Variants in LUZP2 observed in about 807,000 individuals in gnomAD.
LUZP2 encodes leucine zipper protein 2.
A neutral mutation model predicts 51.6 loss-of-function variants in LUZP2; 52 were observed. The ratio of observed to expected loss-of-function variants is 1.01; its 90% CI spans 0.81 to 1.27. The LOEUF (loss-of-function observed/expected upper bound fraction) is 1.27, where lower values mean the gene tolerates loss of function less well. Ranked by LOEUF, LUZP2 falls within the 50% of genes most tolerant of loss-of-function variation. LUZP2 has a pLI of 0.00. For missense variants in LUZP2, 436 were observed against 395.4 expected (o/e 1.10, Z -0.87); for synonymous variants, 154 against 137.3 (o/e 1.12, Z -0.85).
intron 1 of LUZP2, among the ~76,000 whole-genome samples, chr11:24,518,112 A>G (rs1850536270): frequency 6.6e-6 from 1 of 152,148 alleles, no homozygotes; most frequent in African/African-American, 2.4e-5. Flanking sequence ...TTATTAATGA[A>G]TAAGATAACA....
intron 10 of LUZP2, among the ~76,000 whole-genome samples, chr11:25,062,110 G>T (rs1858856870): frequency 6.7e-6 from 1 of 150,338 alleles, no homozygotes; most frequent in Non-Finnish European, 1.5e-5. Context: ...CAGAGGGAAG[G>T]GAGAAGAAGA....
At chr11:24,913,683 G>A (rs893796202) in intron 6 of LUZP2, among the ~76,000 whole-genome samples, 2 of 151,800 alleles carry the variant, frequency 1.3e-5, no homozygotes, top group African/African-American at 4.8e-5. Flanking sequence ...GTGTGTGTGT[G>A]TGTGTGTGTG....
Position 24,977,474 on chromosome 11 carries a change from G to A in LUZP2, c.597+809G>A, listed in dbSNP as rs539702835. Among the ~76,000 whole-genome samples, 17 of 151,602 alleles carry A rather than the reference G, an allele frequency of 1.1e-4. 1 individual carries two copies. Among genetic ancestry groups the A allele is most frequent in the African/African-American group, 4.1e-4 (17 of 41,462 alleles). The stretch of plus-strand genomic sequence containing the variant: ...ATTCATGGATACAATTGCGTTTGGG[G>A]AAAAACAGTAAAATAACACCAGGGA... On this transcript the variant is annotated intron_variant, in intron 8 of 11. Coordinates refer to ENST00000336930, the MANE Select transcript of LUZP2 (RefSeq NM_001009909.4).
intron 9 of LUZP2, among the ~76,000 whole-genome samples, chr11:25,025,238 A>C (rs752474856): frequency 6.6e-6 from 1 of 152,120 alleles, no homozygotes; most frequent in Non-Finnish European, 1.5e-5. Context: ...AGGCATAGGC[A>C]AGGACTTCAT....
At chr11:24,828,322 T>G (rs1850602038) in intron 5 of LUZP2, among the ~76,000 whole-genome samples, 1 of 152,176 alleles carries the variant, frequency 6.6e-6, no homozygotes, top group African/African-American at 2.4e-5. Context: ...TCATTAATGT[T>G]CAAAGACACA....
intron 1 of LUZP2, among the ~76,000 whole-genome samples, chr11:24,516,492 T>C (rs2032634492): frequency 6.6e-6 from 1 of 152,192 alleles, no homozygotes; most frequent in South Asian, 2.1e-4. Context: ...TATAACAGGA[T>C]TACAACATTT....
At chr11:24,768,363 G>A (rs1860274915) in intron 5 of LUZP2, among the ~76,000 whole-genome samples, 1 of 152,112 alleles carries the variant, frequency 6.6e-6, no homozygotes, top group Non-Finnish European at 1.5e-5. Flanking sequence ...ACCCGCCTTG[G>A]CCTCCCAAAG....
intron 8 of LUZP2, among the ~76,000 whole-genome samples, chr11:24,979,107 G>A (rs1024786694): frequency 6.6e-6 from 1 of 151,784 alleles, no homozygotes; most frequent in Non-Finnish European, 1.5e-5. Flanking sequence ...TAATGGTGAT[G>A]AGAAAATTAC....
At chr11:24,512,612 T>C (rs1217113669) in intron 1 of LUZP2, among the ~76,000 whole-genome samples, 1 of 152,198 alleles carries the variant, frequency 6.6e-6, no homozygotes, top group East Asian at 1.9e-4. Flanking sequence ...CAAATTTCAA[T>C]GTTAAAGGAA....
At chr11:24,985,362 A>T (rs1342485689) in intron 9 of LUZP2, among the ~76,000 whole-genome samples, 1 of 151,628 alleles carries the variant, frequency 6.6e-6, no homozygotes, top group Non-Finnish European at 1.5e-5. Context: ...CGTATCTTTT[A>T]TGTCTTTGTT....
At chr11:24,938,588 T>G (rs1854656574) in intron 7 of LUZP2, among the ~76,000 whole-genome samples, 1 of 150,800 alleles carries the variant, frequency 6.6e-6, no homozygotes, top group Admixed American at 6.6e-5. Context: ...TTTTTTTTTC[T>G]AATTGAGCAG....
chr11:24,618,525 C>T (rs1223957581), intron 1 of LUZP2, among the ~76,000 whole-genome samples: 2 of 152,118 alleles, frequency 1.3e-5, no homozygotes, highest in Non-Finnish European at 2.9e-5. Flanking sequence ...CTAGGCTTTC[C>T]TCTTGTTTCT....
Position 24,738,220 on chromosome 11 carries a change from G to A in LUZP2, c.252-1G>A. ...TTATGCTCTGTTTTCTACTAAAATA[G>A]AGAAGAAATGAAGTCTCTTCAGGAG... On this transcript the variant is annotated splice_acceptor_variant, in intron 3 of 11. Transcript: ENST00000336930. LOFTEE classifies it high-confidence loss of function. The A allele has an allele frequency of 6.3e-7, 1 of 1,595,490 alleles. No homozygotes were observed. Among genetic ancestry groups the A allele is most frequent in the Non-Finnish European group, 8.6e-7 (1 of 1,165,778 alleles).
chr11:24,598,384 T>C (rs1442039658), intron 1 of LUZP2, among the ~76,000 whole-genome samples: 1 of 152,158 alleles, frequency 6.6e-6, no homozygotes, highest in Non-Finnish European at 1.5e-5. Flanking sequence ...CTTTTATCTG[T>C]TGAAACTCCC....
At chr11:24,655,364 T>G (rs977219421) in intron 1 of LUZP2, among the ~76,000 whole-genome samples, 1 of 152,184 alleles carries the variant, frequency 6.6e-6, no homozygotes, top group African/African-American at 2.4e-5. Context: ...TATCAAGATT[T>G]CAGCTTTTTA....
At chr11:25,076,213 T>C (rs1859294283) in intron 10 of LUZP2, among the ~76,000 whole-genome samples, 1 of 151,958 alleles carries the variant, frequency 6.6e-6, no homozygotes, top group African/African-American at 2.4e-5. Context: ...TTTTCGTTTT[T>C]GTTTTTGTTT....
chr11:24,905,908 A>G (rs1216662021), intron 5 of LUZP2, 83 bp from the exon 6 acceptor site: 5 of 987,038 alleles, frequency 5.1e-6, no homozygotes, highest in Non-Finnish European at 8.0e-6. Flanking sequence ...TGAACAGAAC[A>G]TAAAGCAATA....
At chr11:24,860,509 G>A (rs1467732758) in intron 5 of LUZP2, among the ~76,000 whole-genome samples, 1 of 152,124 alleles carries the variant, frequency 6.6e-6, no homozygotes, top group East Asian at 1.9e-4. Flanking sequence ...TCCAACAGGG[G>A]TTGTCAGGCA....
intron 1 of LUZP2, among the ~76,000 whole-genome samples, chr11:24,624,218 C>T (rs905016692): frequency 2.0e-5 from 3 of 152,076 alleles, no homozygotes; most frequent in African/African-American, 7.2e-5. Flanking sequence ...ATAACATGAT[C>T]AGTAATCATT....
Sources: gnomAD v4.1 joint callset for allele counts (sites outside exome capture counted in the v4.1 genomes callset) on GRCh38, gnomAD v4.1.1 for gene constraint, MANE v1.5 for transcripts, NCBI Gene and HGNC (gene_info 2026-07-23, HGNC 2026-07-21) for gene names.